Variants in TTC23 observed in about 807,000 individuals in gnomAD.
TTC23 encodes tetratricopeptide repeat protein 23.
TTC23 carries 58 observed loss-of-function variants against 55.1 expected under a neutral mutation model. The observed-to-expected ratio is 1.05, with a 90% CI of 0.85 to 1.31. TTC23 has a LOEUF of 1.31. Among genes scored for constraint, TTC23 ranks in the 50% most tolerant of loss-of-function variants. TTC23 has a pLI of 0.00. For synonymous variants in TTC23, 203 were observed against 199.9 expected, an observed-to-expected ratio of 1.02 and a Z score of -0.13; for missense variants, 516 against 534.4, an observed-to-expected ratio of 0.97 and a Z score of 0.34.
At chr15:99,157,998 GAAGGAC>G (rs1287914157) in intron 11 of TTC23, 3 of 152,310 alleles carry the variant, frequency 2.0e-5, no homozygotes, top group African/African-American at 4.8e-5. Flanking sequence ...TCCACAAACA[GAAGGAC>G]AAGGAGGGCG....
intron 9 of TTC23, among the ~76,000 whole-genome samples, chr15:99,180,422 C>T (rs2074006633): frequency 6.6e-6 from 1 of 152,128 alleles, no homozygotes; most frequent in African/African-American, 2.4e-5. Context: ...CTGTTCCATC[C>T]TGGTGCCTTG....
At chr15:99,194,552 CAAAAAAAAAAAA>C (rs760038465) in intron 9 of TTC23, among the ~76,000 whole-genome samples, 6 of 40,456 alleles carry the variant, frequency 1.5e-4, no homozygotes, top group Admixed American at 1.3e-3. Flanking sequence ...ACATCACGTG[CAAAAAAAAAAAA>C]AAAAAAAAAA....
intron 12 of TTC23, among the ~76,000 whole-genome samples, chr15:99,146,113 G>A (rs2068827677): frequency 6.6e-6 from 1 of 152,138 alleles, no homozygotes; most frequent in Non-Finnish European, 1.5e-5. Context: ...ACTGGAGCAG[G>A]TACCACCATC....
chr15:99,198,358 C>G (rs1280717920), intron 9 of TTC23, among the ~76,000 whole-genome samples: 1 of 152,168 alleles, frequency 6.6e-6, no homozygotes, highest in Non-Finnish European at 1.5e-5. Context: ...TAACTCTTCC[C>G]TTCCTTCTTT....
chr15:99,167,966 T>C lies in TTC23; in HGVS notation c.866-6099A>G, dbSNP rs73482327. ...GGAGCTCCCTCACCCAGGAAACACA[T>C]TGAAGCTACTTAGACCCTGCTGGGG... On this transcript the variant is annotated intron_variant, in intron 10 of 13. Transcript: ENST00000394132. 9.8e-3 allele frequency among the ~76,000 whole-genome samples: 1,497 copies of C among 152,278 alleles called. 36 individuals are homozygous for C. Among genetic ancestry groups the C allele is most frequent in the African/African-American group, 0.034 (1,417 of 41,548 alleles).
intron 12 of TTC23, chr15:99,155,406 C>T (rs2070398956): frequency 6.6e-6 from 1 of 152,108 alleles, no homozygotes; most frequent in South Asian, 2.1e-4. Flanking sequence ...AATAAAAATA[C>T]TAGTAAGCTC....
chr15:99,157,253 C>T lies in TTC23; in HGVS notation c.994-956G>A, dbSNP rs149476432. The T allele has an allele frequency of 2.1e-5, 3 of 143,626 alleles. No homozygotes were observed. The East Asian group carries it at 6.9e-4, about 33-fold the overall frequency. 8.9% of individuals were successfully genotyped at this position (143,626 alleles called of 1,614,324 possible). A position where few individuals can be genotyped will look rare whatever the true frequency, so the allele number is the denominator to read the frequency against. On this transcript the variant is annotated intron_variant, in intron 11 of 13. Transcript: ENST00000394132. The stretch of plus-strand genomic sequence containing the variant: ...TTTAGACAGAGTCTCTCTTTGTCTA[C>T]CAGCCTGGAGTGCAGTGGCATGATC...
intron 8 of TTC23, among the ~76,000 whole-genome samples, chr15:99,218,339 G>C (rs2077633829): frequency 6.6e-6 from 1 of 152,152 alleles, no homozygotes; most frequent in African/African-American, 2.4e-5. Context: ...CAGGTAAAAC[G>C]AAAGTCAAGA....
intron 8 of TTC23, among the ~76,000 whole-genome samples, chr15:99,200,447 A>T (rs552405109): frequency 6.6e-6 from 1 of 152,352 alleles, no homozygotes; most frequent in East Asian, 1.9e-4. Context: ...CCTCTAATAC[A>T]CAGTAAGTGC....
chr15:99,236,985 T>G (rs918242045), intron 3 of TTC23, among the ~76,000 whole-genome samples: 1 of 151,188 alleles, frequency 6.6e-6, no homozygotes, highest in African/African-American at 2.4e-5. Context: ...CTCCTAAGTT[T>G]TTTTTTTTTT....
upstream of TTC23, chr15:99,249,941 A>G (rs1246828789): frequency 6.6e-6 from 1 of 152,144 alleles, no homozygotes; most frequent in Non-Finnish European, 1.5e-5. Context: ...TTTTAACATG[A>G]TTCATTTTTC....
chr15:99,218,756 A>G (rs1465717071), intron 7 of TTC23, 43 bp from the exon 8 acceptor site: 2 of 1,612,532 alleles, frequency 1.2e-6, no homozygotes, highest in African/African-American at 1.3e-5. Flanking sequence ...TCTAGATTCT[A>G]CACCCCATGT....
At chr15:99,163,722 G>A (rs1404037947) in intron 10 of TTC23, among the ~76,000 whole-genome samples, 2 of 152,152 alleles carry the variant, frequency 1.3e-5, no homozygotes, top group Non-Finnish European at 2.9e-5. Context: ...TCATGAATGG[G>A]ATTAGTGTCC....
At chr15:99,167,888 C>A (rs902449271) in intron 10 of TTC23, among the ~76,000 whole-genome samples, 4 of 152,100 alleles carry the variant, frequency 2.6e-5, no homozygotes, top group African/African-American at 9.7e-5. Context: ...GCAAAGGACC[C>A]CAGGGAGTTT....
At chr15:99,227,380 G>T (rs1015092610) in intron 5 of TTC23, among the ~76,000 whole-genome samples, 1 of 152,128 alleles carries the variant, frequency 6.6e-6, no homozygotes, top group African/African-American at 2.4e-5. Context: ...TTTCAAAAGA[G>T]CTCAGCATTT....
intron 5 of TTC23, among the ~76,000 whole-genome samples, chr15:99,226,910 T>G (rs1433787219): frequency 1.3e-5 from 2 of 152,242 alleles, no homozygotes; most frequent in Non-Finnish European, 2.9e-5. Flanking sequence ...CATCAGGGTA[T>G]GCACCTTGTC....
chr15:99,169,800 T>C (rs970279813), intron 10 of TTC23, among the ~76,000 whole-genome samples: 1 of 152,116 alleles, frequency 6.6e-6, no homozygotes, highest in African/African-American at 2.4e-5. Context: ...TATTCGTGCA[T>C]AGGAAATTTT....
intron 9 of TTC23, among the ~76,000 whole-genome samples, chr15:99,183,497 AT>A (rs56660145): frequency 0.074 from 7,503 of 100,800 alleles, 537 homozygotes; most frequent in African/African-American, 0.22. Context: ...GATTTTTTGT[AT>A]TTTTTTTTTT....
chr15:99,164,033 G>A (rs896636819), intron 10 of TTC23, among the ~76,000 whole-genome samples: 1 of 152,188 alleles, frequency 6.6e-6, no homozygotes, highest in Non-Finnish European at 1.5e-5. Flanking sequence ...CAGAGGTTCT[G>A]ACTAGAAAAA....
Sources: allele counts gnomAD v4.1 joint callset (sites outside exome capture counted in the v4.1 genomes callset), GRCh38; gene constraint gnomAD v4.1.1; transcripts MANE v1.5; gene names NCBI Gene and HGNC (gene_info 2026-07-23, HGNC 2026-07-21).